Variants in LARGE1 observed in about 807,000 individuals in gnomAD.
LARGE1 encodes LARGE xylosyl- and glucuronyltransferase 1.
LARGE1 carries 43 observed loss-of-function variants against 87.6 expected under a neutral mutation model. That is an observed-to-expected ratio of 0.49 (90% confidence interval 0.38 to 0.63). The LOEUF is 0.63. LARGE1 is among the 30% of genes least tolerant of loss of function. The probability of loss-of-function intolerance (pLI) is 0.00; values close to 1 mark genes in which losing one functional copy is unlikely to be tolerated. For synonymous variants in LARGE1, 434 were observed against 394.6 expected, an observed-to-expected ratio of 1.10 and a Z score of -1.18; for missense variants, 802 against 1,000.2, an observed-to-expected ratio of 0.80 and a Z score of 2.67.
At chr22:33,468,317 C>A (rs1312633881) in intron 6 of LARGE1, among the ~76,000 whole-genome samples, 2 of 152,108 alleles carry the variant, frequency 1.3e-5, no homozygotes, top group Admixed American at 1.3e-4. Flanking sequence ...ATGAAAAAAA[C>A]CCATTGATCT....
At chr22:33,649,763 T>C (rs577937852) in intron 3 of LARGE1, among the ~76,000 whole-genome samples, 44 of 152,314 alleles carry the variant, frequency 2.9e-4, no homozygotes, top group South Asian at 2.7e-3. Context: ...TCACTGCACA[T>C]AGAAGCGTGG....
At position 33,499,101 on chromosome 22, in the gene LARGE1, G is replaced by A. The variant is rs146551001; in HGVS notation, c.787+65747C>T. ...TTTGGGATGACAGACATCTGGAGCA[G>A]CCTCTTTGACACTGCAGTTTACCCA... On this transcript the variant is annotated intron_variant, in intron 6 of 14. Transcript: ENST00000397394. Among the ~76,000 whole-genome samples the A allele has an allele frequency of 2.0e-5, 3 of 152,320 alleles. No individual in the cohort carries two copies. The East Asian group carries it at 5.8e-4, about 29-fold the overall frequency.
chr22:33,194,785 C>A (rs148220401), intron 11 of LARGE1, among the ~76,000 whole-genome samples: 1 of 152,104 alleles, frequency 6.6e-6, no homozygotes, highest in Non-Finnish European at 1.5e-5. Context: ...ATTCCAACTG[C>A]GTAATCTTAC....
In LARGE1 at chr22:33,631,817, G is replaced by A. The variant is rs143088817; in HGVS notation, c.409-5491C>T. ...GCGCTATAGTTTTATACAAATGGCAGCGCAGTCGGTTTGTTCACACCAACA... is the reference window on the plus strand; with the variant it reads ...GCGCTATAGTTTTATACAAATGGCAACGCAGTCGGTTTGTTCACACCAACA... On this transcript the variant is annotated intron_variant, in intron 3 of 14. Coordinates refer to ENST00000397394, the MANE Select transcript of LARGE1 (RefSeq NM_133642.5). Among the ~76,000 whole-genome samples the A allele has an allele frequency of 1.8e-3, 279 of 152,324 alleles. 1 individual carries two copies. The highest frequency in any genetic ancestry group is 6.4e-3 in the African/African-American group (265 of 41,576).
the LARGE1 span, among the ~76,000 whole-genome samples, chr22:33,067,578 G>A: frequency 2.6e-5 from 4 of 152,170 alleles, no homozygotes; most frequent in Non-Finnish European, 5.9e-5. Context: ...TGGGCTCAGA[G>A]AAGCTAAGAA....
intron 3 of LARGE1, among the ~76,000 whole-genome samples, chr22:33,633,253 G>A (rs142149409): frequency 2.0e-4 from 31 of 152,226 alleles, no homozygotes; most frequent in African/African-American, 6.5e-4. Context: ...TGGCAAGCTG[G>A]GTGTCTTTGC....
chr22:33,909,310 A>C lies in LARGE1; in HGVS notation c.-83+10685T>G, dbSNP rs540068702. 1.2e-4 allele frequency among the ~76,000 whole-genome samples: 19 copies of C among 152,276 alleles called. 1 individual carries two copies. The South Asian group carries it at 3.3e-3, about 27-fold the overall frequency. On this transcript the variant is annotated intron_variant, in intron 1 of 14. Coordinates refer to ENST00000397394, the MANE Select transcript of LARGE1 (RefSeq NM_133642.5). ...GCTTCTGTCCTCCTGTAACAGTTCC[A>C]GCCTGGCGGCCCTTAGAACTTCATA...
chr22:33,702,709 C>A (rs2082435817), intron 2 of LARGE1, among the ~76,000 whole-genome samples: 1 of 152,190 alleles, frequency 6.6e-6, no homozygotes, highest in African/African-American at 2.4e-5. Flanking sequence ...TCCCTGTTAT[C>A]CTGGGCATCC....
At chr22:33,775,517 C>CCA (rs397783891) in intron 1 of LARGE1, among the ~76,000 whole-genome samples, 1 of 151,548 alleles carries the variant, frequency 6.6e-6, no homozygotes, top group Admixed American at 6.6e-5. Context: ...TAATTTACCC[C>CCA]AGGGGACATT....
At chr22:33,695,108 CTTTT>C (rs71320988) in intron 2 of LARGE1, among the ~76,000 whole-genome samples, 1 of 140,092 alleles carries the variant, frequency 7.1e-6, no homozygotes, top group African/African-American at 2.7e-5. Context: ...TTCTTTCTTT[CTTTT>C]TTTTTTTTTT....
At chr22:33,896,301 T>G (rs1377047637) in intron 1 of LARGE1, among the ~76,000 whole-genome samples, 1 of 152,216 alleles carries the variant, frequency 6.6e-6, no homozygotes, top group Non-Finnish European at 1.5e-5. Flanking sequence ...ATTCCATGTA[T>G]GTCTACACCA....
intron 4 of LARGE1, among the ~76,000 whole-genome samples, chr22:33,607,495 C>T (rs1246747147): frequency 1.4e-5 from 2 of 148,116 alleles, no homozygotes; most frequent in Non-Finnish European, 3.0e-5. Flanking sequence ...GTGTCTATCC[C>T]AGGAAGAGCA....
intron 1 of LARGE1, among the ~76,000 whole-genome samples, chr22:33,862,430 T>C (rs1373350278): frequency 2.0e-5 from 3 of 152,210 alleles, no homozygotes; most frequent in Non-Finnish European, 2.9e-5. Flanking sequence ...GGAAGAGGAT[T>C]GACGGCAGTC....
intron 7 of LARGE1, among the ~76,000 whole-genome samples, chr22:33,427,907 C>T (rs2066934682): frequency 2.0e-5 from 3 of 152,240 alleles, no homozygotes; most frequent in Admixed American, 2.0e-4. Flanking sequence ...CCAACACAAA[C>T]ATCTCATATG....
At chr22:33,711,310 G>A (rs772559099) in intron 2 of LARGE1, among the ~76,000 whole-genome samples, 7 of 152,198 alleles carry the variant, frequency 4.6e-5, no homozygotes, top group African/African-American at 7.2e-5. Context: ...ACTGAGATCC[G>A]AAGGTTAGAA....
chr22:33,404,687 C>G (rs917489993), intron 7 of LARGE1, among the ~76,000 whole-genome samples: 1 of 152,154 alleles, frequency 6.6e-6, no homozygotes, highest in Admixed American at 6.5e-5. Flanking sequence ...TCGTGTCAAT[C>G]GTTTAAACAG....
rs540252719 is a variant in LARGE1, at chr22:33,579,022, A to AAGC, written c.616-14006_616-14004dup. ...ACACCAAAATACAAAGCAGGAAGGG[A>AAGC]AGCTTGGAAACATATGTCCAGACCC... is the stretch of plus-strand genomic sequence containing the variant. On this transcript the variant is annotated intron_variant, in intron 5 of 14. Transcript: ENST00000397394. 2.0e-3 allele frequency among the ~76,000 whole-genome samples: 304 copies of AAGC among 152,320 alleles called. 2 individuals carry two copies. Among genetic ancestry groups the AAGC allele is most frequent in the African/African-American group, 7.0e-3 (290 of 41,580 alleles).
intron 7 of LARGE1, among the ~76,000 whole-genome samples, chr22:33,387,322 G>A (rs1195994703): frequency 6.6e-6 from 1 of 150,384 alleles, no homozygotes; most frequent in Non-Finnish European, 1.5e-5. Context: ...AGCTACTCCT[G>A]AGGCTGAGGC....
At chr22:33,670,766 A>G (rs897613307) in intron 2 of LARGE1, among the ~76,000 whole-genome samples, 34 of 152,230 alleles carry the variant, frequency 2.2e-4, no homozygotes, top group African/African-American at 8.0e-4. Context: ...AGTTTGAAAA[A>G]TTGTACAGTG....
Sources: gnomAD v4.1 joint callset for allele counts (sites outside exome capture counted in the v4.1 genomes callset) on GRCh38, gnomAD v4.1.1 for gene constraint, MANE v1.5 for transcripts, NCBI Gene and HGNC (gene_info 2026-07-23, HGNC 2026-07-21) for gene names.